The following PDE1C variants were observed in gnomAD, a reference collection of about 807,000 sequenced individuals.
PDE1C encodes the protein dual specificity calcium/calmodulin-dependent 3',5'-cyclic nucleotide phosphodiesterase 1C.
A neutral mutation model predicts 93.1 loss-of-function variants in PDE1C; 62 were observed. The ratio of observed to expected loss-of-function variants is 0.67; its 90% confidence interval spans 0.54 to 0.82. The LOEUF is 0.82. PDE1C is among the 40% of genes least tolerant of loss of function. The pLI is 0.00. For synonymous variants in PDE1C, 325 were observed against 310.1 expected (o/e 1.05, Z -0.50); for missense variants, 742 against 884.6 (o/e 0.84, Z 2.04).
intron 17 of PDE1C, among the ~76,000 whole-genome samples, chr7:31,761,769 C>G (rs1394107239): frequency 6.6e-6 from 1 of 152,194 alleles, no homozygotes; most frequent in African/African-American, 2.4e-5. Flanking sequence ...TTCAAAACTA[C>G]TGTCTTCATC....
intron 2 of PDE1C, among the ~76,000 whole-genome samples, chr7:31,887,779 G>C (rs1798135539): frequency 6.6e-6 from 1 of 152,026 alleles, no homozygotes; most frequent in Non-Finnish European, 1.5e-5. Flanking sequence ...ACACAATTTT[G>C]TTATTGATTA....
chr7:32,314,133 G>T (rs1303310354), intron 1 of PDE1C, among the ~76,000 whole-genome samples: 2 of 151,990 alleles, frequency 1.3e-5, no homozygotes, highest in Admixed American at 6.6e-5. Context: ...GCTTATTGTT[G>T]TTATCACTTA....
At chr7:31,802,322 G>T (rs1562824448) in intron 16 of PDE1C, among the ~76,000 whole-genome samples, 1 of 151,482 alleles carries the variant, frequency 6.6e-6, no homozygotes, top group African/African-American at 2.4e-5. Context: ...CCTCATGCAT[G>T]ATACTGAACC....
At chr7:31,967,029 C>T (rs1222584474) in intron 2 of PDE1C, among the ~76,000 whole-genome samples, 1 of 151,972 alleles carries the variant, frequency 6.6e-6, no homozygotes, top group African/African-American at 2.4e-5. Context: ...AATTGACACC[C>T]TAACATCAAA....
At chr7:32,097,875 A>G (rs1442806419) in intron 3 of PDE1C, among the ~76,000 whole-genome samples, 2 of 152,156 alleles carry the variant, frequency 1.3e-5, no homozygotes. Flanking sequence ...ACAAGTCACA[A>G]GATAAGGAAA....
At chr7:32,420,116 T>TATAC (rs1785367683) in intron 1 of PDE1C, among the ~76,000 whole-genome samples, 1 of 29,588 alleles carries the variant, frequency 3.4e-5, no homozygotes, top group Non-Finnish European at 6.7e-5. Flanking sequence ...TATATATATA[T>TATAC]ATATATATAC....
intron 7 of PDE1C, among the ~76,000 whole-genome samples, chr7:31,858,274 G>A (rs144009654): frequency 2.0e-5 from 3 of 152,254 alleles, no homozygotes; most frequent in African/African-American, 4.8e-5. Flanking sequence ...TGGCCAGTGA[G>A]TTGTGAGCAG....
chr7:31,668,026 GA>G, the PDE1C span, among the ~76,000 whole-genome samples: 1 of 152,112 alleles, frequency 6.6e-6, no homozygotes, highest in African/African-American at 2.4e-5. Context: ...TTTTACATGT[GA>G]AAAGAGGGAC....
chr7:32,078,019 C>G (rs1297620625), intron 3 of PDE1C: 1 of 985,266 alleles, frequency 1.0e-6, no homozygotes, highest in African/African-American at 1.7e-5. Context: ...TCAGAATACA[C>G]TGCCAACCCA....
At chr7:32,147,272 A>AAGAAAGAAGGAAGG (rs3078680) in intron 3 of PDE1C, among the ~76,000 whole-genome samples, 6 of 96,610 alleles carry the variant, frequency 6.2e-5, no homozygotes, top group African/African-American at 1.5e-4. Flanking sequence ...AAGAAAGAAA[A>AAGAAAGAAGGAAGG]AAAGAAAGAA....
chr7:31,959,069 T>C (rs1385032676), intron 2 of PDE1C, among the ~76,000 whole-genome samples: 1 of 152,198 alleles, frequency 6.6e-6, no homozygotes, highest in Non-Finnish European at 1.5e-5. Context: ...CAAAGAGCCA[T>C]AATCATCATC....
chr7:32,404,510 C>T (rs1208137127), intron 1 of PDE1C, among the ~76,000 whole-genome samples: 3 of 151,912 alleles, frequency 2.0e-5, no homozygotes, highest in Non-Finnish European at 4.4e-5. Flanking sequence ...CATGCCACTC[C>T]ACCTGGCTAA....
intron 1 of PDE1C, among the ~76,000 whole-genome samples, chr7:32,241,586 A>G (rs1040056122): frequency 1.3e-5 from 2 of 152,200 alleles, no homozygotes; most frequent in African/African-American, 4.8e-5. Context: ...TCTACAAAAG[A>G]TATCTAAGAA....
chr7:32,312,637 A>C (rs71530584), intron 1 of PDE1C, among the ~76,000 whole-genome samples: 17,572 of 152,276 alleles, frequency 0.12, 1,113 homozygotes, highest in East Asian at 0.18. Context: ...AAACCTGACA[A>C]AAACAAGAAA....
chr7:31,864,612 T>C (rs1252275949), intron 7 of PDE1C, among the ~76,000 whole-genome samples: 5 of 152,252 alleles, frequency 3.3e-5, no homozygotes, highest in Admixed American at 6.5e-5. Context: ...AATATCATTG[T>C]TATTGACCAT....
At chr7:32,281,338 T>A (rs1232385044) in intron 1 of PDE1C, among the ~76,000 whole-genome samples, 2 of 152,226 alleles carry the variant, frequency 1.3e-5, no homozygotes, top group African/African-American at 4.8e-5. Flanking sequence ...ATTTGCAAAC[T>A]GTGAAAATTA....
chr7:31,985,259 A>C (rs1177930322), intron 2 of PDE1C, among the ~76,000 whole-genome samples: 3 of 152,082 alleles, frequency 2.0e-5, no homozygotes, highest in Admixed American at 2.0e-4. Context: ...AGCTCTATAA[A>C]AGCACTAAAG....
chr7:32,207,826 C>A (rs965366042), intron 2 of PDE1C, among the ~76,000 whole-genome samples: 1 of 152,208 alleles, frequency 6.6e-6, no homozygotes, highest in African/African-American at 2.4e-5. Flanking sequence ...CCTCAACTCT[C>A]ATGCAAGGAC....
the PDE1C span, among the ~76,000 whole-genome samples, chr7:31,721,703 C>T: frequency 6.6e-6 from 1 of 152,184 alleles, no homozygotes. Flanking sequence ...AATAGCAATA[C>T]TTGGACACGC....
Sources: gnomAD v4.1 joint callset for allele counts (sites outside exome capture counted in the v4.1 genomes callset) on GRCh38, gnomAD v4.1.1 for gene constraint, MANE v1.5 for transcripts, NCBI Gene and HGNC (gene_info 2026-07-23, HGNC 2026-07-21) for gene names.